CDH1: variants seen among roughly 807,000 people sequenced by gnomAD.
CDH1 encodes cadherin 1.
In CDH1, 35 loss-of-function variants were observed where a neutral mutation model predicts 84.5. The observed-to-expected ratio is 0.41, with a 90% CI of 0.32 to 0.55. The LOEUF (loss-of-function observed/expected upper bound fraction) is 0.55. Ranked by LOEUF, CDH1 falls within the 20% of genes least tolerant of loss-of-function variation. CDH1 has a pLI of 0.19. For synonymous variants in CDH1, 417 were observed against 439.0 expected (o/e 0.95, Z 0.63); for missense variants, 994 against 1,126.6 (o/e 0.88, Z 1.68).
At chr16:68,741,150 G>A (rs1473221684) in intron 2 of CDH1, among the ~76,000 whole-genome samples, 1 of 151,966 alleles carries the variant, frequency 6.6e-6, no homozygotes, top group Non-Finnish European at 1.5e-5. Flanking sequence ...CAGGCCTCTG[G>A]TGTGGTTGGT....
chr16:68,807,457 C>T (rs776532896), intron 3 of CDH1, among the ~76,000 whole-genome samples: 12 of 152,042 alleles, frequency 7.9e-5, no homozygotes, highest in Non-Finnish European at 1.6e-4. Context: ...ATCGCTTGAG[C>T]CCAGGAGTTC....
intron 3 of CDH1, among the ~76,000 whole-genome samples, chr16:68,802,372 A>G: frequency 6.6e-6 from 1 of 152,194 alleles, no homozygotes; most frequent in Non-Finnish European, 1.5e-5. Context: ...TAATTAATAC[A>G]TGTGAAATGC....
chr16:68,738,183 G>A, intron 1 of CDH1, 114 bp from the exon 2 acceptor site: 2 of 700,032 alleles, frequency 2.9e-6, no homozygotes, highest in East Asian at 2.9e-5. Flanking sequence ...TGCGGGCTGG[G>A]GTCCTCCCCC....
intron 2 of CDH1, among the ~76,000 whole-genome samples, chr16:68,748,161 G>A (rs1400332228): frequency 6.9e-6 from 1 of 145,816 alleles, no homozygotes; most frequent in Non-Finnish European, 1.5e-5. Context: ...TGCCCAGGCT[G>A]GAGTGCAATG....
chr16:68,824,099 G>A (rs1435557162), intron 13 of CDH1, among the ~76,000 whole-genome samples: 2 of 147,144 alleles, frequency 1.4e-5, no homozygotes, highest in Non-Finnish European at 3.0e-5. Context: ...ACAGGTTCAA[G>A]CGATTCTCCC....
At position 68,798,576 on chromosome 16, in the gene CDH1, G is replaced by A. The variant is rs73560987; in HGVS notation, c.164-3094G>A. On this transcript the variant is annotated intron_variant, in intron 2 of 15. Transcript: ENST00000261769. ...CATTAAGATGAGGTGCCCCAAAGCA[G>A]GTTAAGTGCCTTGGATCAAGTTATT... Among the ~76,000 whole-genome samples the A allele has an allele frequency of 6.5e-3, 992 of 152,328 alleles. 12 individuals carry two copies. Among genetic ancestry groups the A allele is most frequent in the African/African-American group, 0.022 (920 of 41,566 alleles).
intron 2 of CDH1, among the ~76,000 whole-genome samples, chr16:68,755,835 C>T (rs997244793): frequency 6.7e-6 from 1 of 149,276 alleles, no homozygotes; most frequent in African/African-American, 2.5e-5. Context: ...CTGATCTCGG[C>T]TCATTGCAAC....
intron 2 of CDH1, among the ~76,000 whole-genome samples, chr16:68,797,939 C>A (rs1239521527): frequency 6.6e-6 from 1 of 151,936 alleles, no homozygotes; most frequent in East Asian, 1.9e-4. Context: ...ATTAGCTGGG[C>A]GTGGTGGTGT....
Position 68,823,108 on chromosome 16 carries a change from G to A in CDH1, c.1937-291G>A, listed in dbSNP as rs1596965033. 4.0e-5 allele frequency: 16 copies of A among 396,106 alleles called. No homozygotes were observed. In the South Asian group the frequency reaches 4.1e-4, roughly 10 times the overall value. 24.5% of individuals were successfully genotyped at this position (396,106 alleles called of 1,614,324 possible). ...ACCCTCAGGCACACGGGAGCCTACC[G>A]AACCCAGCGACATCTGAAGAGCCCC... is the stretch of plus-strand genomic sequence containing the variant. On this transcript the variant is annotated intron_variant, in intron 12 of 15. Transcript: ENST00000261769.
chr16:68,821,571 C>G (rs1338468069), intron 11 of CDH1, among the ~76,000 whole-genome samples: 1 of 151,784 alleles, frequency 6.6e-6, no homozygotes, highest in South Asian at 2.1e-4. Context: ...TTTTAAGCTT[C>G]TAGTCAGGCT....
chr16:68,808,358 G>A (rs1960721860), intron 3 of CDH1, 66 bp from the exon 4 acceptor site: 1 of 1,565,410 alleles, frequency 6.4e-7, no homozygotes, highest in Non-Finnish European at 8.8e-7. Flanking sequence ...GGCTAGGTTG[G>A]ACTGTTAGAC....
rs1302952088 is a variant in CDH1 at position 68,834,977 on chromosome 16, A to G, written c.*1478A>G. 1.3e-5 allele frequency: 3 copies of G among 232,058 alleles called. No individual in the cohort carries two copies. Among genetic ancestry groups the G allele is most frequent in the African/African-American group, 6.6e-5 (3 of 45,246 alleles). The allele number at this position is 232,058 out of a possible 1,614,324, so 14.4% of individuals were successfully genotyped here. A position where few individuals can be genotyped will look rare whatever the true frequency, so the allele number is the denominator to read the frequency against. ...CTGGAAGGAATGGAGGAGTCTCAACATGTGTTTCTGACACAAGATCCGTGG... is the reference window on the plus strand; with the variant it reads ...CTGGAAGGAATGGAGGAGTCTCAACGTGTGTTTCTGACACAAGATCCGTGG... On this transcript the variant is annotated 3_prime_UTR_variant, in exon 16 of 16. Transcript: ENST00000261769.
chr16:68,790,235 T>G (rs1424587053), intron 2 of CDH1, among the ~76,000 whole-genome samples: 5 of 152,166 alleles, frequency 3.3e-5, no homozygotes, highest in African/African-American at 1.2e-4. Flanking sequence ...GCCTGTCAGC[T>G]GCCCTTTCCT....
rs755157715 is a variant in CDH1, at chr16:68,815,673, G to A, written c.1479G>A (p.Val493=). Residue 493 remains valine (V), a synonymous_variant, in exon 10 of 16, where the codon GTG becomes GTA. Coordinates refer to ENST00000261769, the MANE Select transcript of CDH1 (RefSeq NM_004360.5). ...APIFVPPEKR[V]EVSEDFGVGQ... ...TCTTTGTGCCTCCTGAAAAGAGAGT[G>A]GAAGTGTCCGAGGACTTTGGCGTGG... The A allele has an allele frequency of 3.1e-6, 5 of 1,614,242 alleles. No homozygotes were observed. The highest frequency in any genetic ancestry group is 2.2e-5 in the East Asian group (1 of 44,882).
At chr16:68,828,646 T>C (rs1228256411) in intron 14 of CDH1, among the ~76,000 whole-genome samples, 2 of 152,232 alleles carry the variant, frequency 1.3e-5, no homozygotes, top group Non-Finnish European at 1.5e-5. Context: ...GGACGTGAAC[T>C]TCAGCCAGAT....
chr16:68,804,528 G>GA (rs1960600536), intron 3 of CDH1, among the ~76,000 whole-genome samples: 1 of 152,102 alleles, frequency 6.6e-6, no homozygotes, highest in Non-Finnish European at 1.5e-5. Flanking sequence ...AGGGAATGTA[G>GA]TCTTTCATAT....
chr16:68,830,612 A>G (rs1961459762), intron 15 of CDH1, among the ~76,000 whole-genome samples: 2 of 152,188 alleles, frequency 1.3e-5, no homozygotes, highest in Admixed American at 1.3e-4. Context: ...AGTCTAGGCC[A>G]GTGCATCAGG....
intron 2 of CDH1, among the ~76,000 whole-genome samples, chr16:68,781,311 C>T (rs1959871401): frequency 2.6e-5 from 4 of 152,292 alleles, no homozygotes; most frequent in Non-Finnish European, 4.4e-5. Context: ...ACCCGCAGCA[C>T]TCATTTTAAC....
rs531130559 is a variant in CDH1 at position 68,778,875 on chromosome 16, G to C, written c.164-22795G>C. 1.0e-3 allele frequency among the ~76,000 whole-genome samples: 154 copies of C among 152,168 alleles called. 1 individual carries two copies. Among genetic ancestry groups the C allele is most frequent in the Non-Finnish European group, 1.5e-3 (101 of 68,016 alleles). Reference sequence around the variant, plus strand: ...CAGTTTTCCTATGGAATTGATTGAGGGGGAGAGAGGTTTTTCTCTTCCTGG... The same window carrying C: ...CAGTTTTCCTATGGAATTGATTGAGCGGGAGAGAGGTTTTTCTCTTCCTGG... On this transcript the variant is annotated intron_variant, in intron 2 of 15. Transcript: ENST00000261769.
Sources: allele counts gnomAD v4.1 joint callset (sites outside exome capture counted in the v4.1 genomes callset), GRCh38; gene constraint gnomAD v4.1.1; transcripts MANE v1.5; gene names NCBI Gene and HGNC (gene_info 2026-07-23, HGNC 2026-07-21).